NUP205: variants seen among roughly 807,000 people sequenced by gnomAD.
The protein encoded by NUP205 is nucleoporin 205, also known as nuclear pore complex protein Nup205.
A neutral mutation model predicts 253.8 loss-of-function variants in NUP205; 76 were observed. The observed-to-expected ratio is 0.30, with a 90% CI of 0.25 to 0.36. The LOEUF is 0.36. Ranked by LOEUF, NUP205 falls within the 10% of genes least tolerant of loss-of-function variation. The pLI, the probability that NUP205 is intolerant of heterozygous loss-of-function variation, is 1.00. For missense variants in NUP205, 2,162 were observed against 2,425.5 expected (o/e 0.89, Z 2.28); for synonymous variants, 832 against 850.1 (o/e 0.98, Z 0.37).
intron 1 of NUP205, among the ~76,000 whole-genome samples, chr7:135,570,074 GA>G (rs1805908918): frequency 6.7e-6 from 1 of 149,388 alleles, no homozygotes. Flanking sequence ...GAGAGAGAGA[GA>G]GAGAGAGAGA....
intron 5 of NUP205, among the ~76,000 whole-genome samples, 175 bp downstream of exon 5, chr7:135,577,303 G>A (rs1162479801): frequency 6.6e-6 from 1 of 151,904 alleles, no homozygotes; most frequent in Non-Finnish European, 1.5e-5. Flanking sequence ...CTGTACATAT[G>A]TATAGGGTAC....
chr7:135,643,442 G>A (rs891513726), intron 39 of NUP205, 84 bp downstream of exon 39: 26 of 1,013,896 alleles, frequency 2.6e-5, no homozygotes, highest in African/African-American at 1.6e-4. Context: ...TAAAGACAAC[G>A]TATACAGTAT....
intron 40 of NUP205, 123 bp downstream of exon 40, chr7:135,645,141 A>ATT: frequency 9.4e-7 from 1 of 1,067,804 alleles, no homozygotes; most frequent in South Asian, 1.5e-5. Context: ...TTTTCCCAGT[A>ATT]AATGCCTAAT....
chr7:135,638,919 G>A (rs1794867820), intron 38 of NUP205, among the ~76,000 whole-genome samples: 1 of 152,156 alleles, frequency 6.6e-6, no homozygotes, highest in African/African-American at 2.4e-5. Flanking sequence ...ACCATGTTTT[G>A]AATAGCACTT....
Position 135,622,881 on chromosome 7 carries a change from G to T in NUP205, c.4435G>T (p.Glu1479Ter). 1 of 1,614,170 alleles carries T rather than the reference G, an allele frequency of 6.2e-7. No individual in the cohort carries two copies. Among genetic ancestry groups the T allele is most frequent in the Non-Finnish European group, 8.5e-7 (1 of 1,180,026 alleles). ...TGAAAGTTATGGCGCCGCCCTCATG[G>T]AAGTGGTCTGTCGAGATGCTTGTGA... is the stretch of plus-strand genomic sequence containing the variant. Reference protein sequence around the residue: ...IIESYGAALMEVVCRDACDGH... With the variant: ...IIESYGAALM Residue 1479 changes from glutamate (E) to a stop codon, truncating the protein, a stop_gained, in exon 31 of 43, where the codon GAA (glutamate) becomes TAA (stop). Coordinates refer to ENST00000285968, the MANE Select transcript of NUP205 (RefSeq NM_015135.3). LOFTEE classifies it high-confidence loss of function.
intron 8 of NUP205, among the ~76,000 whole-genome samples, chr7:135,585,333 A>G (rs1202374134): frequency 1.3e-5 from 2 of 152,226 alleles, no homozygotes; most frequent in Admixed American, 6.5e-5. Flanking sequence ...TTCTATGGAA[A>G]TAAGTCCTCT....
At chr7:135,626,778 T>C (rs1290459028) in intron 33 of NUP205, among the ~76,000 whole-genome samples, 1 of 152,236 alleles carries the variant, frequency 6.6e-6, no homozygotes, top group Non-Finnish European at 1.5e-5. Flanking sequence ...TGGAATTGTT[T>C]TCAAGTTTCA....
intron 20 of NUP205, 46 bp downstream of exon 20, chr7:135,606,272 T>C: frequency 8.5e-7 from 1 of 1,178,696 alleles, no homozygotes; most frequent in South Asian, 1.3e-5. Flanking sequence ...TTACTTTTTA[T>C]ATATGCTTAA....
intron 24 of NUP205, 85 bp downstream of exon 24, chr7:135,616,150 A>G (rs763489863): frequency 8.2e-6 from 10 of 1,226,272 alleles, no homozygotes; most frequent in Non-Finnish European, 1.1e-5. Context: ...TTAGTATGTG[A>G]CTATAGACCA....
At chr7:135,578,198 G>A (rs547785470) in intron 6 of NUP205, among the ~76,000 whole-genome samples, 174 bp downstream of exon 6, 1 of 152,218 alleles carries the variant, frequency 6.6e-6, no homozygotes, top group South Asian at 2.1e-4. Flanking sequence ...AACAGCTGCA[G>A]TCCTGTTAAT....
Position 135,645,525 on chromosome 7 carries a change from A to C in NUP205, c.5741A>C (p.His1914Pro). 6.2e-7 allele frequency: 1 copy of C among 1,614,040 alleles called. No individual in the cohort carries two copies. The highest frequency in any genetic ancestry group is 8.5e-7 in the Non-Finnish European group (1 of 1,179,882). Residue 1914 changes from histidine (H) to proline (P), a missense_variant, in exon 41 of 43, where the codon CAT (histidine) becomes CCT (proline). Physicochemically the swap from His to Pro is moderately conservative, Grantham distance 77. Around this residue, in one of 5 missense-constraint regions of NUP205, gnomAD observed 1,144 missense variants for 1,280.9 expected, o/e 0.89. Coordinates refer to ENST00000285968, the MANE Select transcript of NUP205 (RefSeq NM_015135.3). ...CGCCATCTGGAGTACTACTTGTTACATTGCATGCCCACGGATTCTCAAGAT... is the reference window on the plus strand; with the variant it reads ...CGCCATCTGGAGTACTACTTGTTACCTTGCATGCCCACGGATTCTCAAGAT... Reference protein sequence around the residue: ...LWRHLEYYLLHCMPTDSQDSL... With the variant: ...LWRHLEYYLLPCMPTDSQDSL...
chr7:135,567,425 C>CAAAAAAAAAAA (rs760535798), intron 1 of NUP205, among the ~76,000 whole-genome samples: 1 of 65,012 alleles, frequency 1.5e-5, no homozygotes, highest in Non-Finnish European at 2.8e-5. Context: ...CTGTCTATAC[C>CAAAAAAAAAAA]AAAAAAAAAA....
intron 1 of NUP205, among the ~76,000 whole-genome samples, chr7:135,560,636 C>T (rs1463383303): frequency 1.3e-5 from 2 of 152,108 alleles, no homozygotes; most frequent in Non-Finnish European, 2.9e-5. Context: ...TATATAGTAT[C>T]CTTATGCAGC....
At chr7:135,588,597 A>G (rs2129490170) in intron 10 of NUP205, among the ~76,000 whole-genome samples, 1 of 150,550 alleles carries the variant, frequency 6.6e-6, no homozygotes, top group African/African-American at 2.4e-5. Flanking sequence ...ACTTATTTTT[A>G]AAAGACAGGG....
chr7:135,633,701 C>G (rs1483952008), intron 35 of NUP205, among the ~76,000 whole-genome samples: 2 of 152,218 alleles, frequency 1.3e-5, no homozygotes, highest in African/African-American at 4.8e-5. Context: ...CTTCAACTTT[C>G]CAAAGTGTTG....
chr7:135,581,507 T>C (rs1230360996), intron 7 of NUP205, among the ~76,000 whole-genome samples: 1 of 151,896 alleles, frequency 6.6e-6, no homozygotes, highest in Non-Finnish European at 1.5e-5. Flanking sequence ...ATTGCTCCAC[T>C]GCACTCCAGC....
chr7:135,576,480 T>G, intron 4 of NUP205, 66 bp downstream of exon 4: 1 of 1,394,422 alleles, frequency 7.2e-7, no homozygotes, highest in Non-Finnish European at 1.0e-6. Flanking sequence ...AATATTTCCC[T>G]TATTATATAC....
At position 135,617,338 on chromosome 7, in the gene NUP205, CT is replaced by C; in HGVS notation, c.3690+92del. 3 of 1,237,518 alleles carry C rather than the reference CT, an allele frequency of 2.4e-6. No homozygotes were observed. The East Asian group carries it at 7.1e-5, about 29-fold the overall frequency. The allele number at this position is 1,237,518 out of a possible 1,614,324, so 76.7% of individuals were successfully genotyped here. On this transcript the variant is annotated intron_variant, in intron 26 of 42. Transcript: ENST00000285968. ...AAATAGAACCATATAGGTTTTCTTTCTGATAGAGACATTGGTTTAGTAGTTT... is the reference window on the plus strand; with the variant it reads ...AAATAGAACCATATAGGTTTTCTTTCGATAGAGACATTGGTTTAGTAGTTT...
chr7:135,597,704 A>G (rs990424379), intron 14 of NUP205: 3 of 448,956 alleles, frequency 6.7e-6, no homozygotes, highest in Admixed American at 3.8e-5. Flanking sequence ...ACCTGAAATG[A>G]GAGTTAATTA....
Sources: gnomAD v4.1 joint callset for allele counts (sites outside exome capture counted in the v4.1 genomes callset) on GRCh38, gnomAD v4.1.1 for gene constraint, gnomAD v4.1.1 regional missense constraint, MANE v1.5 for transcripts, NCBI Gene and HGNC (gene_info 2026-07-23, HGNC 2026-07-21) for gene names.